Variants in TUBGCP5 observed in about 807,000 individuals in gnomAD.
The protein encoded by TUBGCP5 is tubulin gamma complex component 5.
TUBGCP5 carries 98 observed loss-of-function variants against 134.7 expected under a neutral mutation model. The ratio of observed to expected loss-of-function variants is 0.73; its 90% CI spans 0.62 to 0.86. TUBGCP5 has a LOEUF of 0.86. Among genes scored for constraint, TUBGCP5 ranks in the 40% least tolerant of loss-of-function variants. The pLI is 0.00. For synonymous variants in TUBGCP5, 456 were observed against 431.4 expected (o/e 1.06, Z -0.71); for missense variants, 1,150 against 1,244.8 (o/e 0.92, Z 1.15).
intron 23 of TUBGCP5, among the ~76,000 whole-genome samples, chr15:22,986,144 A>ATAAT (rs1400649212): frequency 2.8e-4 from 24 of 85,636 alleles, no homozygotes; most frequent in African/African-American, 7.6e-4. Flanking sequence ...AAAAAAAAAA[A>ATAAT]AAAAATAATA....
intron 14 of TUBGCP5, among the ~76,000 whole-genome samples, chr15:23,010,788 G>C (rs2064991355): frequency 6.6e-6 from 1 of 152,090 alleles, no homozygotes; most frequent in East Asian, 1.9e-4. Flanking sequence ...AGGCAAGCCT[G>C]GCCAACAGGA....
intron 16 of TUBGCP5, 67 bp downstream of exon 16, chr15:23,008,632 A>G (rs1397512094): frequency 6.8e-7 from 1 of 1,481,124 alleles, no homozygotes. Context: ...TGTGTAATTC[A>G]TAGAAGACTT....
chr15:23,002,833 C>T (rs932239829), intron 21 of TUBGCP5, among the ~76,000 whole-genome samples: 1 of 151,458 alleles, frequency 6.6e-6, no homozygotes, highest in Non-Finnish European at 1.5e-5. Context: ...TTGTTTAAAT[C>T]AGAAGACCTC....
intron 10 of TUBGCP5, chr15:23,023,224 G>A (rs1384447971): frequency 4.6e-5 from 7 of 152,100 alleles, no homozygotes; most frequent in Admixed American, 3.9e-4. Context: ...CAGTTACTCG[G>A]GAGGCTGAGG....
At chr15:23,033,717 A>G (rs976376095) in intron 3 of TUBGCP5, among the ~76,000 whole-genome samples, 1 of 152,246 alleles carries the variant, frequency 6.6e-6, no homozygotes, top group African/African-American at 2.4e-5. Context: ...ATACATACGC[A>G]TAGAATTACC....
Position 22,999,865 on chromosome 15 carries a change from C to T in TUBGCP5, c.3030G>A (p.Leu1010=), listed in dbSNP as rs2064267655. The change falls in exon 23 of 23, where the codon TTG becomes TTA. Residue 1010 remains leucine, a splice_region_variant and synonymous_variant. Transcript: ENST00000615383. ...CCATGAGTGACAACGCTAGAGATTC[C>T]ACTGTGGGAAGAATAAAAATAAGGT... ...KAVCRGSFPH[L]ESLALSLMAG... The T allele has an allele frequency of 4.3e-6, 7 of 1,613,570 alleles. No homozygotes were observed. The highest frequency in any genetic ancestry group is 5.9e-6 in the Non-Finnish European group (7 of 1,179,820).
At chr15:23,023,721 T>G (rs1020202623) in intron 10 of TUBGCP5, 7 of 406,870 alleles carry the variant, frequency 1.7e-5, no homozygotes, top group African/African-American at 1.2e-4. Flanking sequence ...GGGGTACTGG[T>G]GCAGGAAGAA....
chr15:23,032,864 G>A, intron 3 of TUBGCP5, 40 bp from the exon 4 acceptor site: 1 of 1,437,210 alleles, frequency 7.0e-7, no homozygotes. Context: ...CTGAGGTTGG[G>A]AAATGCTTTC....
chr15:23,033,844 C>A (rs1176163841), intron 3 of TUBGCP5, among the ~76,000 whole-genome samples: 1 of 152,054 alleles, frequency 6.6e-6, no homozygotes, highest in Non-Finnish European at 1.5e-5. Flanking sequence ...CTTAAAATTA[C>A]TGATTTTCCT....
At chr15:22,986,147 A>AAAT (rs1555430354) in intron 23 of TUBGCP5, among the ~76,000 whole-genome samples, 6,568 of 132,656 alleles carry the variant, frequency 0.05, 335 homozygotes, top group African/African-American at 0.13. Context: ...AAAAAAAAAA[A>AAAT]AATAATAATA....
At chr15:23,003,262 A>T in intron 20 of TUBGCP5, 109 bp from the exon 21 acceptor site, 1 of 1,073,284 alleles carries the variant, frequency 9.3e-7, no homozygotes. Context: ...CACCACAGTG[A>T]CTGCCTTCTG....
chr15:23,016,321 C>T (rs1231079391), intron 13 of TUBGCP5, among the ~76,000 whole-genome samples: 1 of 151,996 alleles, frequency 6.6e-6, no homozygotes, highest in Non-Finnish European at 1.5e-5. Context: ...GGTGAAACCT[C>T]GTCTCTACTA....
intron 5 of TUBGCP5, 82 bp from the exon 6 acceptor site, chr15:23,031,102 GAAGAA>G: frequency 7.3e-7 from 1 of 1,368,304 alleles, no homozygotes; most frequent in Non-Finnish European, 9.6e-7. Flanking sequence ...AGAAAACTTT[GAAGAA>G]AAGCAAAAAC....
Position 23,021,891 on chromosome 15 carries a change from A to G in TUBGCP5, c.1371+68T>C, listed in dbSNP as rs186711029. The G allele has an allele frequency of 2.4e-5, 35 of 1,482,344 alleles. No individual in the cohort carries two copies. In the East Asian group the frequency reaches 6.8e-4, roughly 29 times the overall value. The allele number at this position is 1,482,344 out of a possible 1,614,324, so 91.8% of individuals were successfully genotyped here. ...ATTCAAGTATCAACAAAGAACTACC[A>G]TCAGCTGTCTATCACTCCTCTGCTG... On this transcript the variant is annotated intron_variant, in intron 11 of 22. Transcript: ENST00000615383.
At chr15:22,984,512 C>A (rs934590614) in intron 23 of TUBGCP5, among the ~76,000 whole-genome samples, 7 of 151,394 alleles carry the variant, frequency 4.6e-5, no homozygotes, top group African/African-American at 1.7e-4. Flanking sequence ...CCCAGCTACC[C>A]CGGGGGCTGA....
chr15:23,011,301 A>G lies in TUBGCP5; in HGVS notation c.1787T>C (p.Phe596Ser), dbSNP rs375284734. The G allele has an allele frequency of 1.2e-6, 2 of 1,613,536 alleles. No individual in the cohort carries two copies. The highest frequency in any genetic ancestry group is 1.3e-5 in the African/African-American group (1 of 74,912). Residue 596 changes from phenylalanine (F) to serine (S), a missense_variant, in exon 14 of 23, where the codon TTT becomes TCT. Transcript: ENST00000615383. Reference protein sequence around the residue: ...DAERKSLYTLFLESVQSRLRH... With the variant: ...DAERKSLYTLSLESVQSRLRH... The stretch of plus-strand genomic sequence containing the variant: ...AAGACGGGACTGTACAGATTCCAGA[A>G]AGAGAGTGTATAAACTTTTTCTTTC...
downstream of TUBGCP5, chr15:22,996,804 CA>C: frequency 6.6e-6 from 1 of 151,970 alleles, no homozygotes; most frequent in Non-Finnish European, 1.5e-5. Context: ...CCAACTCTTC[CA>C]AAAAAACACA....
At chr15:23,018,586 T>TA (rs1398731377) in intron 12 of TUBGCP5, among the ~76,000 whole-genome samples, 1 of 152,182 alleles carries the variant, frequency 6.6e-6, no homozygotes. Flanking sequence ...TCCAGAACAC[T>TA]AAAGACTTAA....
chr15:22,987,611 AG>A (rs1347622359), intron 23 of TUBGCP5, among the ~76,000 whole-genome samples: 7 of 151,452 alleles, frequency 4.6e-5, no homozygotes, highest in African/African-American at 1.7e-4. Context: ...GACACCCCAG[AG>A]GGGGCCAGGC....
Sources: gnomAD v4.1 joint callset for allele counts (sites outside exome capture counted in the v4.1 genomes callset) on GRCh38, gnomAD v4.1.1 for gene constraint, MANE v1.5 for transcripts, NCBI Gene and HGNC (gene_info 2026-07-23, HGNC 2026-07-21) for gene names.